MDGA2: variants seen among roughly 807,000 people sequenced by gnomAD.
MDGA2 encodes the protein MAM domain containing glycosylphosphatidylinositol anchor 2.
A neutral mutation model predicts 117.8 loss-of-function variants in MDGA2; 40 were observed. That is an observed-to-expected ratio of 0.34 (90% CI 0.26 to 0.44). MDGA2 has a LOEUF of 0.44. MDGA2 is among the 20% of genes least tolerant of loss of function. The pLI, the probability that MDGA2 is intolerant of heterozygous loss-of-function variation, is 1.00. For synonymous variants in MDGA2, 452 were observed against 439.0 expected, an observed-to-expected ratio of 1.03 and a Z score of -0.37; for missense variants, 1,123 against 1,250.6, an observed-to-expected ratio of 0.90 and a Z score of 1.54.
intron 1 of MDGA2, among the ~76,000 whole-genome samples, chr14:47,405,304 G>C (rs150556089): frequency 9.2e-5 from 14 of 151,846 alleles, no homozygotes; most frequent in Non-Finnish European, 1.6e-4. Context: ...TTTTCTCTTG[G>C]CTCTCTCCTG....
At chr14:47,440,933 A>G (rs1427049042) in intron 1 of MDGA2, among the ~76,000 whole-genome samples, 1 of 152,120 alleles carries the variant, frequency 6.6e-6, no homozygotes, top group Non-Finnish European at 1.5e-5. Flanking sequence ...AATATATGGT[A>G]AGTACTGATT....
chr14:47,100,992 G>A (rs1472756921), intron 5 of MDGA2, among the ~76,000 whole-genome samples: 1 of 151,192 alleles, frequency 6.6e-6, no homozygotes, highest in African/African-American at 2.5e-5. Context: ...ACAGAGATTT[G>A]AGTCTCCTCA....
intron 3 of MDGA2, among the ~76,000 whole-genome samples, chr14:47,189,351 GAA>G (rs906439922): frequency 1.8e-4 from 27 of 152,082 alleles, no homozygotes; most frequent in Non-Finnish European, 7.4e-5. Flanking sequence ...GCTCTTTTGT[GAA>G]AAGATTCCTC....
intron 1 of MDGA2, among the ~76,000 whole-genome samples, chr14:47,491,778 G>A (rs543154754): frequency 5.4e-5 from 8 of 147,550 alleles, no homozygotes; most frequent in Admixed American, 2.8e-4. Flanking sequence ...TGTACGCCAC[G>A]GTAGTTATGT....
chr14:47,510,014 G>T (rs1344291103), intron 1 of MDGA2, among the ~76,000 whole-genome samples: 4 of 152,108 alleles, frequency 2.6e-5, no homozygotes, highest in Admixed American at 1.3e-4. Context: ...GGACAGGTGT[G>T]TAATGCTATA....
intron 1 of MDGA2, among the ~76,000 whole-genome samples, chr14:47,363,907 T>G (rs1891177850): frequency 6.6e-6 from 1 of 152,216 alleles, no homozygotes; most frequent in East Asian, 1.9e-4. Context: ...ATTGCATGTC[T>G]AACATGTATG....
At chr14:47,628,347 C>T (rs977763144) in intron 1 of MDGA2, among the ~76,000 whole-genome samples, 9 of 152,294 alleles carry the variant, frequency 5.9e-5, no homozygotes, top group Non-Finnish European at 8.8e-5. Context: ...TCCATAAGTT[C>T]CATGAGGTCT....
At chr14:47,179,417 T>G (rs1884609853) in intron 3 of MDGA2, among the ~76,000 whole-genome samples, 1 of 152,036 alleles carries the variant, frequency 6.6e-6, no homozygotes. Flanking sequence ...TTCATAACTC[T>G]TTGACTTTTA....
intron 1 of MDGA2, among the ~76,000 whole-genome samples, chr14:47,654,388 T>C (rs1025107110): frequency 2.0e-5 from 3 of 152,012 alleles, no homozygotes; most frequent in African/African-American, 7.2e-5. Context: ...GACTCTTCCC[T>C]GAAAAAGAAT....
chr14:47,160,589 G>A (rs989086677), intron 3 of MDGA2, among the ~76,000 whole-genome samples: 2 of 152,138 alleles, frequency 1.3e-5, no homozygotes, highest in Non-Finnish European at 2.9e-5. Context: ...AAGCCCAGGA[G>A]GTTGAGGCTG....
chr14:47,271,093 G>A (rs1888129206), intron 2 of MDGA2, among the ~76,000 whole-genome samples: 1 of 152,056 alleles, frequency 6.6e-6, no homozygotes, highest in Non-Finnish European at 1.5e-5. Flanking sequence ...AGGTTTTAGG[G>A]TTTTATTATC....
chr14:47,506,334 C>T (rs1212849399), intron 1 of MDGA2, among the ~76,000 whole-genome samples: 3 of 152,132 alleles, frequency 2.0e-5, no homozygotes, highest in Non-Finnish European at 4.4e-5. Context: ...TTCCTACAAA[C>T]ACCCATTTAG....
chr14:47,382,342 A>C (rs1301072303), intron 1 of MDGA2, among the ~76,000 whole-genome samples: 1 of 152,228 alleles, frequency 6.6e-6, no homozygotes, highest in Non-Finnish European at 1.5e-5. Flanking sequence ...ACAAAAGCCA[A>C]AATTGACAAA....
At chr14:47,498,469 C>A (rs979118119) in intron 1 of MDGA2, among the ~76,000 whole-genome samples, 11 of 152,024 alleles carry the variant, frequency 7.2e-5, no homozygotes, top group African/African-American at 2.7e-4. Flanking sequence ...TTAGACTGTG[C>A]TATTATGAAG....
intron 8 of MDGA2, among the ~76,000 whole-genome samples, chr14:47,006,359 C>T (rs1464729647): frequency 6.8e-6 from 1 of 147,430 alleles, no homozygotes; most frequent in African/African-American, 2.5e-5. Flanking sequence ...AAGTGGTTCA[C>T]TACAACATAT....
chr14:47,482,085 T>C (rs1202194550), intron 1 of MDGA2, among the ~76,000 whole-genome samples: 3 of 152,152 alleles, frequency 2.0e-5, no homozygotes, highest in African/African-American at 7.2e-5. Context: ...TTAGAATTTA[T>C]CATGGGTTGA....
At chr14:46,999,353 C>G (rs936862798) in intron 8 of MDGA2, among the ~76,000 whole-genome samples, 3 of 151,868 alleles carry the variant, frequency 2.0e-5, no homozygotes, top group Admixed American at 6.6e-5. Flanking sequence ...TATTTGCAGA[C>G]ACTATTGATT....
chr14:46,991,568 T>A (rs925327677), intron 8 of MDGA2, among the ~76,000 whole-genome samples: 1 of 152,108 alleles, frequency 6.6e-6, no homozygotes, highest in Non-Finnish European at 1.5e-5. Context: ...ATGGTACACA[T>A]GAAAACAATA....
intron 5 of MDGA2, among the ~76,000 whole-genome samples, chr14:47,101,075 C>A (rs1952208): frequency 1.7e-3 from 242 of 140,220 alleles, no homozygotes; most frequent in East Asian, 4.5e-3. Flanking sequence ...AATGGAGGGA[C>A]GATAGATAGA....
Sources: allele counts gnomAD v4.1 joint callset (sites outside exome capture counted in the v4.1 genomes callset), GRCh38; gene constraint gnomAD v4.1.1; transcripts MANE v1.5; gene names NCBI Gene and HGNC (gene_info 2026-07-23, HGNC 2026-07-21).